The following PARG variants were observed in gnomAD, a reference collection of about 807,000 sequenced individuals.
PARG encodes poly(ADP-ribose) glycohydrolase.
PARG carries 35 observed loss-of-function variants against 113.0 expected under a neutral mutation model. That is an observed-to-expected ratio of 0.31 (90% confidence interval 0.24 to 0.41). The LOEUF (loss-of-function observed/expected upper bound fraction) is 0.41, where lower values mean the gene tolerates loss of function less well. Among genes scored for constraint, PARG ranks in the 10% least tolerant of loss-of-function variants. PARG has a pLI of 1.00. For missense variants in PARG, 797 were observed against 1,169.4 expected (o/e 0.68, Z 4.64); for synonymous variants, 330 against 409.9 (o/e 0.81, Z 2.36).
chr10:49,905,232 G>T (rs1347961885), intron 7 of PARG, among the ~76,000 whole-genome samples: 3,449 of 144,264 alleles, frequency 0.024, no homozygotes, highest in Non-Finnish European at 0.036. Flanking sequence ...TTAAGTAGGA[G>T]CAGACTGATA....
intron 7 of PARG, among the ~76,000 whole-genome samples, chr10:49,903,965 A>G (rs183800323): frequency 6.6e-6 from 1 of 152,330 alleles, no homozygotes; most frequent in Non-Finnish European, 1.5e-5. Flanking sequence ...TCAACTGCAC[A>G]CAGGGGTCGA....
At chr10:49,928,143 C>T (rs1489885439) in intron 4 of PARG, among the ~76,000 whole-genome samples, 2 of 151,864 alleles carry the variant, frequency 1.3e-5, no homozygotes, top group Admixed American at 1.3e-4. Context: ...TGGTGGTATG[C>T]ACCTGTAGTC....
intron 15 of PARG, among the ~76,000 whole-genome samples, chr10:49,840,721 A>G (rs1290983407): frequency 6.6e-6 from 1 of 152,230 alleles, no homozygotes; most frequent in Non-Finnish European, 1.5e-5. Context: ...AGGATATAAG[A>G]TACTTAATTA....
At chr10:49,911,489 G>A (rs1426908845) in intron 7 of PARG, among the ~76,000 whole-genome samples, 2 of 152,180 alleles carry the variant, frequency 1.3e-5, no homozygotes, top group African/African-American at 4.8e-5. Flanking sequence ...CACAGATTGT[G>A]TGTTTGTAGC....
intron 15 of PARG, among the ~76,000 whole-genome samples, chr10:49,840,791 A>T (rs1227413244): frequency 6.6e-6 from 1 of 152,244 alleles, no homozygotes; most frequent in East Asian, 1.9e-4. Context: ...CACTGTTATT[A>T]TTCTCAGAAG....
At chr10:49,902,206 T>G (rs1223798479) in intron 7 of PARG, among the ~76,000 whole-genome samples, 1 of 152,224 alleles carries the variant, frequency 6.6e-6, no homozygotes, top group East Asian at 1.9e-4. Flanking sequence ...TGTAGCTTTT[T>G]GTTTAGAGGT....
chr10:49,891,600 T>C (rs1554841515), intron 7 of PARG, among the ~76,000 whole-genome samples: 1 of 31,662 alleles, frequency 3.2e-5, no homozygotes, highest in Non-Finnish European at 5.9e-5. Flanking sequence ...CATATATATA[T>C]ATATATATAT....
chr10:49,920,463 A>AAAAAAAAAAAAAAATAT (rs1431747248), intron 6 of PARG, among the ~76,000 whole-genome samples: 1 of 47,988 alleles, frequency 2.1e-5, no homozygotes, highest in Non-Finnish European at 5.7e-5. Flanking sequence ...AAAAAAAAAA[A>AAAAAAAAAAAAAAATAT]ATATATATAT....
chr10:49,836,654 G>C (rs1554831172), intron 15 of PARG, among the ~76,000 whole-genome samples: 1 of 152,080 alleles, frequency 6.6e-6, no homozygotes, highest in Non-Finnish European at 1.5e-5. Context: ...GAAAAGTAAA[G>C]TGACACATAT....
intron 6 of PARG, among the ~76,000 whole-genome samples, chr10:49,921,450 A>G (rs1554849313): frequency 1.3e-5 from 2 of 152,166 alleles, no homozygotes; most frequent in Non-Finnish European, 2.9e-5. Flanking sequence ...AGAGCCCATT[A>G]GAAGATTGAG....
chr10:49,834,509 C>A lies in PARG; in HGVS notation c.2542-1601G>T, dbSNP rs547491218. 7.4e-3 allele frequency among the ~76,000 whole-genome samples: 1,119 copies of A among 152,132 alleles called. 12 individuals are homozygous for A. Among genetic ancestry groups the A allele is most frequent in the Non-Finnish European group, 8.8e-3 (596 of 67,994 alleles). On this transcript the variant is annotated intron_variant, in intron 15 of 17. Coordinates refer to ENST00000616448, the MANE Select transcript of PARG (RefSeq NM_003631.5). ...AAATTATTAGAAGCAAAATCTAGTA[C>A]AAAATATTATCCAATTTTCCTGGAA...
At chr10:49,829,215 G>A (rs1335368730) in intron 16 of PARG, among the ~76,000 whole-genome samples, 1 of 151,920 alleles carries the variant, frequency 6.6e-6, no homozygotes, top group Non-Finnish European at 1.5e-5. Context: ...CAGCCTGGGC[G>A]ACAGTGCAAG....
rs186945066 is a variant in PARG at position 49,895,952 on chromosome 10, T to C, written c.1738-10657A>G. Among the ~76,000 whole-genome samples, 369 of 152,356 alleles carry C rather than the reference T, an allele frequency of 2.4e-3. 2 individuals are homozygous for C. The highest frequency in any genetic ancestry group is 8.6e-3 in the African/African-American group (357 of 41,592). On this transcript the variant is annotated intron_variant, in intron 7 of 17. Coordinates refer to ENST00000616448, the MANE Select transcript of PARG (RefSeq NM_003631.5). Reference sequence around the variant, plus strand: ...TAATGATTTTTGTATACTGACCTTATGTCTTGCTAAATAAATTAGTTCTAA... The same window carrying C: ...TAATGATTTTTGTATACTGACCTTACGTCTTGCTAAATAAATTAGTTCTAA...
intron 9 of PARG, among the ~76,000 whole-genome samples, chr10:49,876,907 T>TA (rs1411912369): frequency 6.6e-6 from 1 of 151,690 alleles, no homozygotes; most frequent in Non-Finnish European, 1.5e-5. Flanking sequence ...CCCTTGCAAC[T>TA]AATATTTATG....
At chr10:49,824,922 C>A (rs1462461150) in intron 16 of PARG, among the ~76,000 whole-genome samples, 1 of 152,094 alleles carries the variant, frequency 6.6e-6, no homozygotes, top group East Asian at 1.9e-4. Context: ...TGGCAATCCA[C>A]CCTGGTCAAC....
chr10:49,829,398 TAGC>T (rs1411996647), intron 16 of PARG, among the ~76,000 whole-genome samples: 1 of 152,158 alleles, frequency 6.6e-6, no homozygotes, highest in Non-Finnish European at 1.5e-5. Context: ...GTGCTCAGCT[TAGC>T]CTTATTTCTA....
Position 49,844,149 on chromosome 10 carries a change from G to GA in PARG, c.2354-518dup, listed in dbSNP as rs200728222. Among the ~76,000 whole-genome samples, 229 of 146,464 alleles carry GA rather than the reference G, an allele frequency of 1.6e-3. 1 individual carries two copies. Among genetic ancestry groups the GA allele is most frequent in the African/African-American group, 5.5e-3 (218 of 39,846 alleles). On this transcript the variant is annotated intron_variant, in intron 13 of 17. Transcript: ENST00000616448. ...GACAGAGCGAGATTCAGTCTCAAAA[G>GA]AAAAAAAAGAAAAGAAAAGAAAGGG...
In PARG at chr10:49,904,454, T is replaced by C. The variant is rs534283130; in HGVS notation, c.1737+11463A>G. On this transcript the variant is annotated intron_variant, in intron 7 of 17. Coordinates refer to ENST00000616448, the MANE Select transcript of PARG (RefSeq NM_003631.5). ...ATAGAAGATGACTGTAAAACATCAA[T>C]TACAGAACTTTGAGTGGTAATGATG... Among the ~76,000 whole-genome samples the C allele has an allele frequency of 3.8e-3, 577 of 151,566 alleles. 6 individuals are homozygous for C. The highest frequency in any genetic ancestry group is 0.013 in the African/African-American group (555 of 41,358).
At chr10:49,921,067 G>A (rs1442275897) in intron 6 of PARG, among the ~76,000 whole-genome samples, 1 of 152,008 alleles carries the variant, frequency 6.6e-6, no homozygotes. Context: ...AAAGAAGGAC[G>A]GAAATGTTGT....
Sources: gnomAD v4.1 joint callset for allele counts (sites outside exome capture counted in the v4.1 genomes callset) on GRCh38, gnomAD v4.1.1 for gene constraint, MANE v1.5 for transcripts, NCBI Gene and HGNC (gene_info 2026-07-23, HGNC 2026-07-21) for gene names.